Variants in SNTG1 observed in about 807,000 individuals in gnomAD.
The protein encoded by SNTG1 is gamma-1-syntrophin.
In SNTG1, 39 loss-of-function variants were observed where a neutral mutation model predicts 74.7. That is an observed-to-expected ratio of 0.52 (90% confidence interval 0.40 to 0.68). SNTG1 has a LOEUF of 0.68. Among genes scored for constraint, SNTG1 ranks in the 30% least tolerant of loss-of-function variants. The probability of loss-of-function intolerance (pLI) is 0.00; values close to 1 mark genes in which losing one functional copy is unlikely to be tolerated. For missense variants in SNTG1, 685 were observed against 609.5 expected (o/e 1.12, Z -1.30); for synonymous variants, 254 against 217.1 (o/e 1.17, Z -1.49).
chr8:50,162,379 G>A (rs1258658606), intron 1 of SNTG1, among the ~76,000 whole-genome samples: 1 of 151,772 alleles, frequency 6.6e-6, no homozygotes, highest in Non-Finnish European at 1.5e-5. Flanking sequence ...TGGCTAACAC[G>A]GTGAAACCCC....
chr8:50,416,414 C>T (rs2093014511), intron 4 of SNTG1, among the ~76,000 whole-genome samples: 1 of 152,058 alleles, frequency 6.6e-6, no homozygotes, highest in South Asian at 2.1e-4. Flanking sequence ...ATGTGTAGTA[C>T]AAAAAGTGAG....
At chr8:49,955,879 G>T (rs977541522) in intron 1 of SNTG1, among the ~76,000 whole-genome samples, 6 of 152,174 alleles carry the variant, frequency 3.9e-5, no homozygotes, top group African/African-American at 1.2e-4. Context: ...TGGGCAGTAA[G>T]CTCTGAGAAG....
chr8:50,494,578 A>C (rs2093887296), intron 8 of SNTG1, among the ~76,000 whole-genome samples: 1 of 151,960 alleles, frequency 6.6e-6, no homozygotes, highest in Admixed American at 6.6e-5. Context: ...ATGGATCTTG[A>C]GCTACTCATT....
chr8:50,640,376 C>T (rs2131168334), intron 13 of SNTG1, among the ~76,000 whole-genome samples: 1 of 152,272 alleles, frequency 6.6e-6, no homozygotes, highest in South Asian at 2.1e-4. Context: ...TTCTTTTCAC[C>T]TTACTCTGCT....
At chr8:50,638,031 C>T (rs2095050004) in intron 13 of SNTG1, among the ~76,000 whole-genome samples, 1 of 152,084 alleles carries the variant, frequency 6.6e-6, no homozygotes, top group South Asian at 2.1e-4. Context: ...GTATCCACGT[C>T]CATACCCCAG....
At chr8:50,386,335 G>C (rs765002880) in intron 2 of SNTG1, among the ~76,000 whole-genome samples, 6 of 152,026 alleles carry the variant, frequency 3.9e-5, no homozygotes, top group Non-Finnish European at 7.4e-5. Flanking sequence ...TTCAGAACCA[G>C]TGTCTGGTAG....
intron 2 of SNTG1, among the ~76,000 whole-genome samples, chr8:50,262,729 G>A (rs2087258573): frequency 6.6e-6 from 1 of 151,890 alleles, no homozygotes. Context: ...TTTTTTAAAA[G>A]ATCAATGAAA....
chr8:50,683,048 G>C (rs553769691), intron 15 of SNTG1, among the ~76,000 whole-genome samples: 1 of 151,910 alleles, frequency 6.6e-6, no homozygotes, highest in Non-Finnish European at 1.5e-5. Flanking sequence ...TTTCTTATTT[G>C]CTTTATGGTT....
At chr8:50,381,642 ATATATATATATATATATCCTATTAGT>A (rs1417523788) in intron 2 of SNTG1, among the ~76,000 whole-genome samples, 11 of 65,740 alleles carry the variant, frequency 1.7e-4, no homozygotes, top group South Asian at 1.5e-3. Context: ...CCTATTAGTT[ATATATATATATATATATCCTATTAGT>A]TATATATATA....
intron 18 of SNTG1, among the ~76,000 whole-genome samples, chr8:50,784,163 T>C (rs2095668037): frequency 6.6e-6 from 1 of 152,040 alleles, no homozygotes; most frequent in Non-Finnish European, 1.5e-5. Context: ...GTGGGTGGAG[T>C]TATCTCATTA....
intron 4 of SNTG1, among the ~76,000 whole-genome samples, chr8:50,424,243 A>T (rs753141337): frequency 2.6e-5 from 4 of 152,150 alleles, no homozygotes; most frequent in Non-Finnish European, 5.9e-5. Context: ...CTCTCCCAGA[A>T]TACAGAACCT....
chr8:50,190,287 AC>A (rs1171353380), intron 2 of SNTG1, among the ~76,000 whole-genome samples: 3 of 152,264 alleles, frequency 2.0e-5, no homozygotes, highest in Middle Eastern at 3.4e-3. Flanking sequence ...ACAGCTGTTA[AC>A]CATATTTTTA....
chr8:50,616,886 A>G (rs1399758465), intron 13 of SNTG1, among the ~76,000 whole-genome samples: 1 of 152,188 alleles, frequency 6.6e-6, no homozygotes, highest in East Asian at 1.9e-4. Flanking sequence ...CCGTCACGCA[A>G]GCCCCAGCTG....
At chr8:50,166,965 C>G (rs534702340) in intron 1 of SNTG1, among the ~76,000 whole-genome samples, 4 of 147,168 alleles carry the variant, frequency 2.7e-5, no homozygotes, top group Non-Finnish European at 5.9e-5. Context: ...AGTTCATGTC[C>G]TTTGTAGGGA....
In SNTG1 at chr8:50,426,483, T is replaced by G. The variant is rs561882805; in HGVS notation, c.163-12060T>G. Among the ~76,000 whole-genome samples the G allele has an allele frequency of 1.2e-3, 179 of 151,764 alleles. 1 individual carries two copies. Among genetic ancestry groups the G allele is most frequent in the African/African-American group, 4.0e-3 (166 of 41,494 alleles). ...AATAATAATAATAAATAAAAAGGCT[T>G]ATAGAGTAAGAATATAAAGAAAATA... On this transcript the variant is annotated intron_variant, in intron 4 of 18. Coordinates refer to ENST00000642720, the MANE Select transcript of SNTG1 (RefSeq NM_018967.5).
At chr8:50,548,581 G>A (rs1465713499) in intron 11 of SNTG1, among the ~76,000 whole-genome samples, 3 of 151,942 alleles carry the variant, frequency 2.0e-5, no homozygotes, top group Admixed American at 2.0e-4. Context: ...GCTATGAGAG[G>A]TATAAAATAG....
At chr8:50,764,355 T>C (rs2095608155) in intron 18 of SNTG1, among the ~76,000 whole-genome samples, 1 of 151,924 alleles carries the variant, frequency 6.6e-6, no homozygotes, top group African/African-American at 2.4e-5. Flanking sequence ...GGAGAAATAT[T>C]TATAAGCTGT....
At chr8:50,230,406 A>G (rs932420024) in intron 2 of SNTG1, among the ~76,000 whole-genome samples, 1 of 151,360 alleles carries the variant, frequency 6.6e-6, no homozygotes, top group Non-Finnish European at 1.5e-5. Context: ...AAAGTACATT[A>G]AGGGAGTAAT....
At chr8:50,523,778 A>G (rs151084257) in intron 9 of SNTG1, among the ~76,000 whole-genome samples, 92 of 152,332 alleles carry the variant, frequency 6.0e-4, no homozygotes, top group African/African-American at 2.0e-3. Context: ...AGTGACCACA[A>G]GCTATTATAA....
Sources: gnomAD v4.1 joint callset for allele counts (sites outside exome capture counted in the v4.1 genomes callset) on GRCh38, gnomAD v4.1.1 for gene constraint, MANE v1.5 for transcripts, NCBI Gene and HGNC (gene_info 2026-07-23, HGNC 2026-07-21) for gene names.